Variants in CWF19L2 observed in about 807,000 individuals in gnomAD.
The protein encoded by CWF19L2 is CWF19-like protein 2.
CWF19L2 carries 98 observed loss-of-function variants against 111.7 expected under a neutral mutation model. That is an observed-to-expected ratio of 0.88 (90% CI 0.75 to 1.04). The LOEUF is 1.04. Among genes scored for constraint, CWF19L2 ranks in the 50% least tolerant of loss-of-function variants. CWF19L2 has a pLI of 0.00. For synonymous variants in CWF19L2, 351 were observed against 342.9 expected, an observed-to-expected ratio of 1.02 and a Z score of -0.26; for missense variants, 1,101 against 1,051.4, an observed-to-expected ratio of 1.05 and a Z score of -0.65.
intron 11 of CWF19L2, among the ~76,000 whole-genome samples, chr11:107,391,871 G>A (rs137873551): frequency 6.6e-6 from 1 of 152,208 alleles, no homozygotes; most frequent in Non-Finnish European, 1.5e-5. Flanking sequence ...TATACTCAAA[G>A]AGCAAACTCT....
At chr11:107,332,546 G>A (rs1396287762) in intron 16 of CWF19L2, among the ~76,000 whole-genome samples, 1 of 149,332 alleles carries the variant, frequency 6.7e-6, no homozygotes, top group African/African-American at 2.5e-5. Flanking sequence ...AATTTACACA[G>A]TGAAAAAAAA....
At position 107,457,754 on chromosome 11, in the gene CWF19L2, C is replaced by G. The variant is rs530048997; in HGVS notation, c.63G>C (p.Arg21=). Reference sequence around the variant, plus strand: ...CCCTGGCATTCCGGGTCTGTTCTTTCCGCTCTTCGATACTCTTCGCACTTT... The same window carrying G: ...CCCTGGCATTCCGGGTCTGTTCTTTGCGCTCTTCGATACTCTTCGCACTTT... ...RFESAKSIEE[R]KEQTRNARAE... The change falls in exon 1 of 18, where the codon CGG becomes CGC. Residue 21 remains arginine, a synonymous_variant. Coordinates refer to ENST00000282251, the MANE Select transcript of CWF19L2 (RefSeq NM_152434.3). 2.6e-6 allele frequency: 4 copies of G among 1,551,650 alleles called. No individual in the cohort carries two copies. The Admixed American group carries it at 7.8e-5, about 30-fold the overall frequency.
intron 3 of CWF19L2, among the ~76,000 whole-genome samples, chr11:107,444,948 C>A (rs1003756783): frequency 6.6e-6 from 1 of 152,302 alleles, no homozygotes; most frequent in East Asian, 1.9e-4. Flanking sequence ...GTACCTGACC[C>A]AATTCACATC....
intron 12 of CWF19L2, among the ~76,000 whole-genome samples, chr11:107,362,411 C>T (rs1206261681): frequency 2.0e-5 from 3 of 151,984 alleles, no homozygotes; most frequent in East Asian, 3.9e-4. Flanking sequence ...CCTCTGCAGA[C>T]TTAAATGTCC....
intron 10 of CWF19L2, among the ~76,000 whole-genome samples, chr11:107,410,756 T>C (rs911991782): frequency 1.3e-5 from 2 of 152,196 alleles, no homozygotes; most frequent in African/African-American, 4.8e-5. Context: ...ACAGAATACC[T>C]GCTTCAAATG....
At chr11:107,338,243 T>C (rs1371696821) in intron 14 of CWF19L2, among the ~76,000 whole-genome samples, 1 of 152,124 alleles carries the variant, frequency 6.6e-6, no homozygotes, top group East Asian at 1.9e-4. Flanking sequence ...CCAGCTCCTG[T>C]TACCCTTTTA....
At chr11:107,445,334 G>A (rs118036814) in intron 3 of CWF19L2, among the ~76,000 whole-genome samples, 7,122 of 152,172 alleles carry the variant, frequency 0.047, 225 homozygotes, top group Middle Eastern at 0.071. Context: ...GGCTGGGCGC[G>A]GTGGCTCACG....
At chr11:107,443,563 T>C (rs1171116074) in intron 3 of CWF19L2, among the ~76,000 whole-genome samples, 4 of 152,050 alleles carry the variant, frequency 2.6e-5, no homozygotes, top group Admixed American at 2.6e-4. Flanking sequence ...TTATTTTTAT[T>C]TTCTCATCCA....
intron 1 of CWF19L2, 26 bp downstream of exon 1, chr11:107,457,686 C>T: frequency 1.3e-6 from 2 of 1,519,688 alleles, no homozygotes; most frequent in Non-Finnish European, 1.8e-6. Flanking sequence ...CAATAAATAA[C>T]TACAAAAGCC....
In CWF19L2 at chr11:107,412,723, C is replaced by G. The variant is rs150502191; in HGVS notation, c.1617+3486G>C. On this transcript the variant is annotated intron_variant, in intron 10 of 17. Transcript: ENST00000282251. ...GCAGTTTTATTCATAACTGCAAAAA[C>G]TTGGATGCACCAAGATGTCCTCCAA... Among the ~76,000 whole-genome samples, 222 of 152,296 alleles carry G rather than the reference C, an allele frequency of 1.5e-3. 2 individuals carry two copies. The highest frequency in any genetic ancestry group is 3.7e-3 in the South Asian group (18 of 4,826).
chr11:107,352,668 T>C (rs1011875269), intron 13 of CWF19L2, among the ~76,000 whole-genome samples: 2 of 148,008 alleles, frequency 1.4e-5, no homozygotes, highest in Non-Finnish European at 3.0e-5. Context: ...TTGACATTTA[T>C]CTTTTTGTTA....
intron 10 of CWF19L2, among the ~76,000 whole-genome samples, chr11:107,409,062 G>T (rs1861120315): frequency 6.6e-6 from 1 of 151,436 alleles, no homozygotes; most frequent in South Asian, 2.1e-4. Flanking sequence ...TGTGCTTAGG[G>T]GATCAACTGC....
In CWF19L2 at chr11:107,429,028, A is replaced by C. The variant is rs2135408953; in HGVS notation, c.1204T>G (p.Cys402Gly). The C allele has an allele frequency of 6.2e-7, 1 of 1,613,772 alleles. No individual in the cohort carries two copies. The highest frequency in any genetic ancestry group is 2.2e-5 in the East Asian group (1 of 44,846). Residue 402 changes from cysteine to glycine, a missense_variant, in exon 8 of 18, where the codon TGT becomes GGT. Coordinates refer to ENST00000282251, the MANE Select transcript of CWF19L2 (RefSeq NM_152434.3). ...SSALVAQGSLCSGFRKPTKNS... is the reference protein window; with the variant it reads ...SSALVAQGSLGSGFRKPTKNS... The stretch of plus-strand genomic sequence containing the variant: ...TTGGTGGGTTTTCTAAAACCACTAC[A>C]CAAAGAGCCCTGAGCTACCAATGCT...
chr11:107,360,965 G>A (rs1860321889), intron 12 of CWF19L2, among the ~76,000 whole-genome samples: 1 of 152,100 alleles, frequency 6.6e-6, no homozygotes, highest in South Asian at 2.1e-4. Context: ...TTAATTAACT[G>A]TCATTTGTCT....
intron 6 of CWF19L2, among the ~76,000 whole-genome samples, chr11:107,434,014 G>A (rs1031990713): frequency 1.3e-5 from 2 of 149,306 alleles, no homozygotes; most frequent in African/African-American, 4.9e-5. Context: ...AAGAGAATAA[G>A]AATAAAAGGA....
At position 107,430,963 on chromosome 11, in the gene CWF19L2, C is replaced by T. The variant is rs28433102; in HGVS notation, c.781-1512G>A. On this transcript the variant is annotated intron_variant, in intron 7 of 17. Coordinates refer to ENST00000282251, the MANE Select transcript of CWF19L2 (RefSeq NM_152434.3). ...AATTATTTCCCCATGCATATCAAAACGTCATGGAATACATACCTTAAACAT... is the reference window on the plus strand; with the variant it reads ...AATTATTTCCCCATGCATATCAAAATGTCATGGAATACATACCTTAAACAT... Among the ~76,000 whole-genome samples the T allele has an allele frequency of 9.9e-3, 1,485 of 150,460 alleles. 20 individuals carry two copies. The highest frequency in any genetic ancestry group is 0.033 in the African/African-American group (1,371 of 41,046).
rs1265577296 is a variant in CWF19L2, at chr11:107,373,529, T to A, written c.1872+16545A>T. 1.2e-4 allele frequency among the ~76,000 whole-genome samples: 16 copies of A among 129,216 alleles called. 4 individuals are homozygous for A. Among genetic ancestry groups the A allele is most frequent in the Admixed American group, 5.9e-4 (8 of 13,490 alleles). The allele number at this position is 129,216 out of a possible 152,430, so 84.8% of individuals were successfully genotyped here. A position where few individuals can be genotyped will look rare whatever the true frequency, so the allele number is the denominator to read the frequency against. On this transcript the variant is annotated intron_variant, in intron 12 of 17. Coordinates refer to ENST00000282251, the MANE Select transcript of CWF19L2 (RefSeq NM_152434.3). ...GGGGCAGACTGACACCTCACATGGCTGGGTACTTCAACAGACCTGCAGCTG... is the reference window on the plus strand; with the variant it reads ...GGGGCAGACTGACACCTCACATGGCAGGGTACTTCAACAGACCTGCAGCTG...
chr11:107,348,892 T>A (rs1421487373), intron 14 of CWF19L2, 45 bp downstream of exon 14: 2 of 1,094,638 alleles, frequency 1.8e-6, no homozygotes, highest in Non-Finnish European at 1.4e-6. Context: ...TTTACAAAAA[T>A]TGCTCATGAG....
chr11:107,387,270 CT>C (rs1205074325), intron 12 of CWF19L2, among the ~76,000 whole-genome samples: 1 of 152,058 alleles, frequency 6.6e-6, no homozygotes, highest in Non-Finnish European at 1.5e-5. Context: ...TATCCTGACA[CT>C]TTTCACCAGT....
Sources: gnomAD v4.1 joint callset for allele counts (sites outside exome capture counted in the v4.1 genomes callset) on GRCh38, gnomAD v4.1.1 for gene constraint, MANE v1.5 for transcripts, NCBI Gene and HGNC (gene_info 2026-07-23, HGNC 2026-07-21) for gene names.